Variants in CNTN5 observed in about 807,000 individuals in gnomAD.
CNTN5 encodes contactin 5.
CNTN5 carries 77 observed loss-of-function variants against 129.1 expected under a neutral mutation model. The ratio of observed to expected loss-of-function variants is 0.60; its 90% CI spans 0.50 to 0.72. The LOEUF is 0.72. Ranked by LOEUF, CNTN5 falls within the 30% of genes least tolerant of loss-of-function variation. CNTN5 has a pLI of 0.00. For missense variants in CNTN5, 1,478 were observed against 1,328.8 expected (o/e 1.11, Z -1.75); for synonymous variants, 509 against 465.6 (o/e 1.09, Z -1.20).
At chr11:99,854,883 A>T (rs1193290768) in intron 6 of CNTN5, among the ~76,000 whole-genome samples, 2 of 152,184 alleles carry the variant, frequency 1.3e-5, no homozygotes, top group Non-Finnish European at 2.9e-5. Context: ...TCTCACAGAG[A>T]CAAAATAAAG....
chr11:99,054,760 G>C (rs894006007), intron 1 of CNTN5, among the ~76,000 whole-genome samples: 2 of 151,830 alleles, frequency 1.3e-5, no homozygotes, highest in African/African-American at 4.8e-5. Context: ...GGCTCAAGGG[G>C]TAGGGTATTC....
At chr11:99,572,752 A>C (rs765876916) in intron 3 of CNTN5, among the ~76,000 whole-genome samples, 2 of 62,268 alleles carry the variant, frequency 3.2e-5, no homozygotes, top group Non-Finnish European at 7.6e-5. Flanking sequence ...AATTTTTAAT[A>C]ATTGAGGGTT....
intron 1 of CNTN5, among the ~76,000 whole-genome samples, chr11:99,148,011 A>T (rs1033424943): frequency 6.6e-6 from 1 of 152,142 alleles, no homozygotes; most frequent in Admixed American, 6.5e-5. Context: ...GCCAATAAAA[A>T]CAATAGTAGG....
intron 6 of CNTN5, among the ~76,000 whole-genome samples, chr11:99,859,913 T>A (rs564140178): frequency 1.7e-4 from 26 of 152,258 alleles, no homozygotes; most frequent in Non-Finnish European, 2.5e-4. Context: ...CTTTGAGAAA[T>A]CTCTAAACTA....
chr11:99,774,272 TAA>T (rs138859607), intron 3 of CNTN5, among the ~76,000 whole-genome samples: 10 of 140,622 alleles, frequency 7.1e-5, no homozygotes, highest in Admixed American at 4.3e-4. Flanking sequence ...ATCAGAGTGA[TAA>T]AAAAAAAAAA....
intron 1 of CNTN5, among the ~76,000 whole-genome samples, chr11:99,290,631 T>C (rs1423952801): frequency 6.6e-6 from 1 of 151,888 alleles, no homozygotes; most frequent in Admixed American, 6.6e-5. Context: ...ACTGGCAATT[T>C]ATTTTATGTA....
At chr11:99,444,308 T>G (rs1342883649) in intron 2 of CNTN5, among the ~76,000 whole-genome samples, 1 of 152,154 alleles carries the variant, frequency 6.6e-6, no homozygotes, top group Non-Finnish European at 1.5e-5. Context: ...AGGTTATTTG[T>G]CAGAAGATAG....
intron 9 of CNTN5, among the ~76,000 whole-genome samples, chr11:100,056,107 T>C (rs751857109): frequency 3.3e-5 from 5 of 151,768 alleles, no homozygotes; most frequent in African/African-American, 4.8e-5. Context: ...GATTATATTT[T>C]TGTCTTTAAA....
intron 18 of CNTN5, among the ~76,000 whole-genome samples, chr11:100,283,807 G>A (rs546724223): frequency 8.5e-5 from 13 of 152,106 alleles, no homozygotes; most frequent in East Asian, 3.9e-4. Flanking sequence ...TTAGCCGGGC[G>A]CGGTAGCGGG....
At chr11:99,164,428 G>T (rs1350711385) in intron 1 of CNTN5, among the ~76,000 whole-genome samples, 1 of 150,394 alleles carries the variant, frequency 6.6e-6, no homozygotes, top group Admixed American at 6.6e-5. Flanking sequence ...CTCTATAATA[G>T]CTAGGTTAGA....
At chr11:99,557,897 TA>T (rs1255663196) in intron 3 of CNTN5, among the ~76,000 whole-genome samples, 1 of 151,772 alleles carries the variant, frequency 6.6e-6, no homozygotes, top group Non-Finnish European at 1.5e-5. Context: ...ACAAGATATA[TA>T]AAAGCCTTTT....
chr11:99,885,317 A>C (rs1382836416), intron 6 of CNTN5, among the ~76,000 whole-genome samples: 1 of 152,102 alleles, frequency 6.6e-6, no homozygotes, highest in Non-Finnish European at 1.5e-5. Flanking sequence ...AAGAAAAGAG[A>C]GAAAACAAAA....
intron 13 of CNTN5, among the ~76,000 whole-genome samples, chr11:100,115,928 CA>C (rs370119212): frequency 7.2e-5 from 11 of 151,932 alleles, no homozygotes; most frequent in African/African-American, 2.7e-4. Flanking sequence ...TGTATTACCT[CA>C]AGCCATTCAT....
At chr11:99,028,420 A>G (rs1863205327) in intron 1 of CNTN5, among the ~76,000 whole-genome samples, 1 of 151,908 alleles carries the variant, frequency 6.6e-6, no homozygotes, top group Admixed American at 6.6e-5. Context: ...TGAAATGTGC[A>G]GTCATAGAGG....
At position 99,210,523 on chromosome 11, in the gene CNTN5, G is replaced by A. The variant is rs564687963; in HGVS notation, c.-209-114823G>A. 1.7e-4 allele frequency among the ~76,000 whole-genome samples: 26 copies of A among 152,180 alleles called. 1 individual carries two copies. In the South Asian group the frequency reaches 5.4e-3, roughly 32 times the overall value. ...CATATGATGGCTTATCTATGTTAGAGATTGGGAAGTAAGAATTGTTTGTAT... is the reference window on the plus strand; with the variant it reads ...CATATGATGGCTTATCTATGTTAGAAATTGGGAAGTAAGAATTGTTTGTAT... On this transcript the variant is annotated intron_variant, in intron 1 of 24. Transcript: ENST00000524871.
intron 2 of CNTN5, among the ~76,000 whole-genome samples, chr11:99,464,767 C>T (rs1255399892): frequency 1.3e-5 from 2 of 151,966 alleles, no homozygotes; most frequent in Non-Finnish European, 2.9e-5. Context: ...CCAAACAAAA[C>T]AAATAATAAC....
At chr11:99,971,239 T>C (rs1489454930) in intron 8 of CNTN5, among the ~76,000 whole-genome samples, 2 of 152,054 alleles carry the variant, frequency 1.3e-5, no homozygotes, top group Non-Finnish European at 2.9e-5. Flanking sequence ...TATTCACCCT[T>C]TCTCATGTTA....
intron 2 of CNTN5, among the ~76,000 whole-genome samples, chr11:99,443,149 C>G (rs1943908273): frequency 6.6e-6 from 1 of 151,958 alleles, no homozygotes; most frequent in South Asian, 2.1e-4. Context: ...GAAAGAAAAA[C>G]AAGGATTGAA....
intron 8 of CNTN5, among the ~76,000 whole-genome samples, chr11:99,970,519 A>G (rs1171559645): frequency 6.6e-6 from 1 of 152,216 alleles, no homozygotes; most frequent in African/African-American, 2.4e-5. Context: ...TAATATTGGT[A>G]CTTATCTGAT....
Sources: gnomAD v4.1 joint callset for allele counts (sites outside exome capture counted in the v4.1 genomes callset) on GRCh38, gnomAD v4.1.1 for gene constraint, MANE v1.5 for transcripts, NCBI Gene and HGNC (gene_info 2026-07-23, HGNC 2026-07-21) for gene names.